KCNH8: variants seen among roughly 807,000 people sequenced by gnomAD.
The protein encoded by KCNH8 is potassium voltage-gated channel subfamily H member 8.
Under a neutral mutation model 103.6 loss-of-function variants are expected in KCNH8, and 70 were observed. The ratio of observed to expected loss-of-function variants is 0.68; its 90% CI spans 0.56 to 0.82. The LOEUF (loss-of-function observed/expected upper bound fraction) is 0.82. KCNH8 is among the 40% of genes least tolerant of loss of function. The pLI is 0.00. For missense variants in KCNH8, 1,217 were observed against 1,329.9 expected (o/e 0.92, Z 1.32); for synonymous variants, 498 against 489.4 (o/e 1.02, Z -0.23).
intron 11 of KCNH8, among the ~76,000 whole-genome samples, chr3:19,507,831 A>G (rs1162338717): frequency 6.6e-6 from 1 of 152,190 alleles, no homozygotes; most frequent in Non-Finnish European, 1.5e-5. Context: ...AAGGGCTGCA[A>G]GACAGCAAAA....
rs771944547 is a variant in KCNH8, at chr3:19,533,685, C to T, written c.2910C>T (p.Pro970=). 4.3e-6 allele frequency: 7 copies of T among 1,614,006 alleles called. No homozygotes were observed. Among genetic ancestry groups the T allele is most frequent in the South Asian group, 2.2e-5 (2 of 91,066 alleles). Residue 970 remains proline (P), a synonymous_variant, in exon 16 of 16, where the codon CCC becomes CCT. Transcript: ENST00000328405. ...SVDPSSVGSS[P]QRTGAHEQNP... is the part of the protein sequence containing the mutation. ...ATCCCTCCTCTGTGGGGAGCAGCCC[C>T]CAACGAACTGGAGCTCATGAGCAAA... is the stretch of plus-strand genomic sequence containing the variant.
intron 11 of KCNH8, among the ~76,000 whole-genome samples, chr3:19,500,495 AC>A: frequency 6.6e-6 from 1 of 151,848 alleles, no homozygotes; most frequent in Non-Finnish European, 1.5e-5. Context: ...TTTTTTCAGC[AC>A]CACACCTATT....
intron 10 of KCNH8, 116 bp from the exon 11 acceptor site, chr3:19,456,652 A>T (rs554274331): frequency 1.5e-6 from 1 of 684,334 alleles, no homozygotes; most frequent in South Asian, 1.9e-5. Flanking sequence ...CCCAAGGTAA[A>T]CATTCTTCTC....
chr3:19,395,498 T>TA (rs1328163507), intron 7 of KCNH8, among the ~76,000 whole-genome samples, 187 bp downstream of exon 7: 1 of 151,896 alleles, frequency 6.6e-6, no homozygotes, highest in Non-Finnish European at 1.5e-5. Flanking sequence ...GGAACAACGT[T>TA]ACATTTTTTT....
At chr3:19,438,725 AGGATATGTAC>A (rs2067236571) in intron 8 of KCNH8, among the ~76,000 whole-genome samples, 1 of 152,192 alleles carries the variant, frequency 6.6e-6, no homozygotes, top group African/African-American at 2.4e-5. Context: ...CCTGCCCACT[AGGATATGTAC>A]TCTGGACAGT....
Position 19,533,536 on chromosome 3 carries a change from A to G in KCNH8, c.2761A>G (p.Ser921Gly). The G allele has an allele frequency of 6.2e-7, 1 of 1,614,082 alleles. No individual in the cohort carries two copies. The highest frequency in any genetic ancestry group is 1.1e-5 in the South Asian group (1 of 91,082). The change falls in exon 16 of 16, where the codon AGC (serine) becomes GGC (glycine). Residue 921 changes from serine (S) to glycine (G), a missense_variant. This residue lies in a region of KCNH8 where 558 missense variants were observed against 495.8 expected (regional missense o/e 1.13). Transcript: ENST00000328405. ...HSTSVCPSRE[S>G]LQTRTSWSAH... ...CACCTCTGTGTGTCCCTCCAGGGAG[A>G]GCTTACAGACCAGAACGAGCTGGAG...
intron 5 of KCNH8, among the ~76,000 whole-genome samples, chr3:19,348,355 ATGCCCTTCCG>A (rs1364105523): frequency 2.0e-5 from 3 of 151,722 alleles, no homozygotes; most frequent in Non-Finnish European, 2.9e-5. Context: ...TTCTTTCTCC[ATGCCCTTCCG>A]TGCCCTTTCA....
chr3:19,412,638 C>G (rs2066798084), intron 7 of KCNH8, among the ~76,000 whole-genome samples: 1 of 151,832 alleles, frequency 6.6e-6, no homozygotes, highest in African/African-American at 2.4e-5. Context: ...AACTATGCAT[C>G]CAACAAAGTC....
intron 3 of KCNH8, among the ~76,000 whole-genome samples, chr3:19,322,484 G>A (rs1310367811): frequency 6.6e-6 from 1 of 152,122 alleles, no homozygotes; most frequent in Admixed American, 6.5e-5. Context: ...ATTCTTAGCT[G>A]ATAATTGTTT....
intron 1 of KCNH8, among the ~76,000 whole-genome samples, chr3:19,170,639 T>TATATATACACACAC (rs1159328977): frequency 1.4e-5 from 2 of 138,628 alleles, no homozygotes; most frequent in African/African-American, 5.5e-5. Flanking sequence ...TATACACACA[T>TATATATACACACAC]ATATATACAC....
intron 5 of KCNH8, among the ~76,000 whole-genome samples, chr3:19,389,384 A>G (rs2066402534): frequency 6.6e-6 from 1 of 152,134 alleles, no homozygotes. Context: ...CATATATTGT[A>G]AAACGCTCGA....
intron 11 of KCNH8, among the ~76,000 whole-genome samples, chr3:19,507,625 G>A (rs2068717950): frequency 6.6e-6 from 1 of 152,196 alleles, no homozygotes; most frequent in Non-Finnish European, 1.5e-5. Flanking sequence ...CAACTGACAT[G>A]TTCAGGTGGG....
intron 3 of KCNH8, among the ~76,000 whole-genome samples, chr3:19,318,662 T>TGTACACACAC (rs1491117852): frequency 4.2e-5 from 6 of 142,522 alleles, no homozygotes; most frequent in Admixed American, 1.4e-4. Flanking sequence ...TGTGTGTGTG[T>TGTACACACAC]ACACACACAC....
chr3:19,432,868 G>A (rs1433674153), intron 7 of KCNH8, among the ~76,000 whole-genome samples: 1 of 152,110 alleles, frequency 6.6e-6, no homozygotes, highest in African/African-American at 2.4e-5. Flanking sequence ...GATTTAAGAG[G>A]CATTTGGAAG....
intron 11 of KCNH8, among the ~76,000 whole-genome samples, chr3:19,489,477 C>T (rs762440098): frequency 6.6e-6 from 1 of 152,114 alleles, no homozygotes. Context: ...GGTGCCCTGG[C>T]TTACAAGTTA....
chr3:19,463,810 T>C (rs1401740026), intron 11 of KCNH8, among the ~76,000 whole-genome samples: 1 of 152,122 alleles, frequency 6.6e-6, no homozygotes, highest in African/African-American at 2.4e-5. Context: ...GCTCTGCTTA[T>C]TGTGGACAAG....
At chr3:19,478,531 G>T (rs2068022439) in intron 11 of KCNH8, among the ~76,000 whole-genome samples, 1 of 151,860 alleles carries the variant, frequency 6.6e-6, no homozygotes, top group Non-Finnish European at 1.5e-5. Context: ...CCTTTTAAGG[G>T]TCTTGAAAGA....
chr3:19,322,249 CT>C lies in KCNH8; in HGVS notation c.443-20330del, dbSNP rs199954715. 7.2e-4 allele frequency among the ~76,000 whole-genome samples: 110 copies of C among 151,790 alleles called. 1 individual carries two copies. In the East Asian group the frequency reaches 0.013, roughly 17 times the overall value. ...ATTGTGCTATTTGTTACGTGAATACCTTTTTTTTCATTCTGTTATTGTTTTA... is the reference window on the plus strand; with the variant it reads ...ATTGTGCTATTTGTTACGTGAATACCTTTTTTTCATTCTGTTATTGTTTTA... On this transcript the variant is annotated intron_variant, in intron 3 of 15. Coordinates refer to ENST00000328405, the MANE Select transcript of KCNH8 (RefSeq NM_144633.3).
intron 3 of KCNH8, among the ~76,000 whole-genome samples, chr3:19,336,426 A>C (rs549367550): frequency 3.3e-5 from 5 of 152,030 alleles, no homozygotes; most frequent in Admixed American, 3.3e-4. Context: ...TTGCCTTTGC[A>C]GAACAAAATC....
Sources: allele counts gnomAD v4.1 joint callset (sites outside exome capture counted in the v4.1 genomes callset), GRCh38; gene constraint gnomAD v4.1.1; regional missense constraint gnomAD v4.1.1; transcripts MANE v1.5; gene names NCBI Gene and HGNC (gene_info 2026-07-23, HGNC 2026-07-21).